The following CCR1 variants were observed in gnomAD, a reference collection of about 807,000 sequenced individuals.
CCR1 encodes C-C motif chemokine receptor 1.
In CCR1, 1 loss-of-function variant was observed where a neutral mutation model predicts 0.3. That is an observed-to-expected ratio of 3.70 (90% CI 1.31 to 17.54). The LOEUF is 17.54. Ranked by LOEUF, CCR1 falls within the 30% of genes most tolerant of loss-of-function variation. The pLI, the probability that CCR1 is intolerant of heterozygous loss-of-function variation, is 0.11. For missense variants in CCR1, 349 were observed against 435.4 expected (o/e 0.80, Z 1.77); for synonymous variants, 207 against 182.5 (o/e 1.13, Z -1.08).
rs760533582 is a variant in CCR1 at position 46,203,289 on chromosome 3, G to A, written c.1025C>T (p.Thr342Ile). The A allele has an allele frequency of 1.2e-6, 2 of 1,614,180 alleles. No homozygotes were observed. ...TTCATGCTCCCCTGTGGAGGGAGAT[G>A]TGGAGCTGACCCTCTCCAGCCTGTC... is the stretch of plus-strand genomic sequence containing the variant. ...SVDRLERVSS[T>I]SPSTGEHELS... Residue 342 changes from threonine to isoleucine, a missense_variant, in exon 2 of 2, where the codon ACA (threonine) becomes ATA (isoleucine). Thr to Ile is a moderately conservative substitution (Grantham distance 89, BLOSUM62 -1). Transcript: ENST00000296140. This position sits in a 1 kb window ranked among gnomAD's most constrained non-coding sequence, Gnocchi z 4.5.
intron 1 of CCR1, among the ~76,000 whole-genome samples, chr3:46,204,871 C>T (rs1380769003): frequency 2.6e-5 from 4 of 152,254 alleles, no homozygotes; most frequent in Non-Finnish European, 5.9e-5. Flanking sequence ...CACCACTACG[C>T]TTTCCTGCTG....
At chr3:46,205,226 G>T (rs1699636659) in intron 1 of CCR1, among the ~76,000 whole-genome samples, 1 of 152,168 alleles carries the variant, frequency 6.6e-6, no homozygotes, top group Non-Finnish European at 1.5e-5. Context: ...GCACCAGAGT[G>T]GGCTGAGCCT....
chr3:46,204,413 A>G (rs1699629593), intron 1 of CCR1, 89 bp from the exon 2 acceptor site: 2 of 809,452 alleles, frequency 2.5e-6, no homozygotes, highest in Non-Finnish European at 3.8e-6. Flanking sequence ...GAGAGGTAAC[A>G]TTTTTTCAGC....
At chr3:46,207,805 C>T (rs1575479847) in intron 1 of CCR1, among the ~76,000 whole-genome samples, 1 of 151,966 alleles carries the variant, frequency 6.6e-6, no homozygotes, top group Non-Finnish European at 1.5e-5. Flanking sequence ...CCACCATGCC[C>T]GGCTAATTTT....
rs761404208 is a variant in CCR1 at position 46,204,248 on chromosome 3, A to C, written c.66T>G (p.Thr22=). Reference sequence around the variant, plus strand: ...CCCTCTCGTTCACCTTCTGGCACGGAGTTGCATCCCCATAGTCAAACTCTG... The same window carrying C: ...CCCTCTCGTTCACCTTCTGGCACGGCGTTGCATCCCCATAGTCAAACTCTG... ...TTTEFDYGDA[T]PCQKVNERAF... The change falls in exon 2 of 2, where the codon ACT becomes ACG. Residue 22 remains threonine, a synonymous_variant. Coordinates refer to ENST00000296140, the MANE Select transcript of CCR1 (RefSeq NM_001295.3). The C allele has an allele frequency of 4.3e-6, 7 of 1,613,568 alleles. No homozygotes were observed. Among genetic ancestry groups the C allele is most frequent in the Non-Finnish European group, 5.9e-6 (7 of 1,179,864 alleles).
Position 46,203,845 on chromosome 3 carries a change from T to C in CCR1, c.469A>G (p.Ile157Val), listed in dbSNP as rs2125920551. The C allele has an allele frequency of 1.9e-6, 3 of 1,614,070 alleles. No individual in the cohort carries two copies. In the Admixed American group the frequency reaches 5.0e-5, roughly 27 times the overall value. Residue 157 changes from isoleucine to valine, a missense_variant, in exon 2 of 2, where the codon ATT (isoleucine) becomes GTT (valine). By Grantham distance (29) the Ile-to-Val change is conservative. Coordinates refer to ENST00000296140, the MANE Select transcript of CCR1 (RefSeq NM_001295.3). The surrounding 1 kb of genome is among the most constrained non-coding windows in gnomAD (Gnocchi z 4.5). ...GAAGCCAAGATGGCCAGGGCCCAAA[T>C]GATGATGCTGGTGATGACACCAAAA... is the stretch of plus-strand genomic sequence containing the variant. Reference protein sequence around the residue: ...VTFGVITSIIIWALAILASMP... With the variant: ...VTFGVITSIIVWALAILASMP...
Position 46,204,007 on chromosome 3 carries a change from C to A in CCR1, c.307G>T (p.Asp103Tyr). 1.2e-6 allele frequency: 2 copies of A among 1,614,168 alleles called. No homozygotes were observed. The highest frequency in any genetic ancestry group is 1.7e-6 in the Non-Finnish European group (2 of 1,180,030). ...CCAGAGAGGATCTTACACATGGCAT[C>A]ACCAAAAACCCAGTCATCCTTCAAC... The part of the protein sequence containing the change: ...YKLKDDWVFG[D>Y]AMCKILSGFY... Residue 103 changes from aspartate (D) to tyrosine (Y), a missense_variant, in exon 2 of 2, where the codon GAT (aspartate) becomes TAT (tyrosine). Transcript: ENST00000296140.
At chr3:46,205,820 G>A (rs917342256) in intron 1 of CCR1, among the ~76,000 whole-genome samples, 8 of 152,158 alleles carry the variant, frequency 5.3e-5, no homozygotes, top group African/African-American at 1.7e-4. Context: ...CCAGGCCAGG[G>A]CACTTTTCTT....
chr3:46,204,037 A>G lies in CCR1; in HGVS notation c.277T>C (p.Tyr93His), dbSNP rs1303561388. Residue 93 changes from tyrosine (Y) to histidine (H), a missense_variant, in exon 2 of 2, where the codon TAC (tyrosine) becomes CAC (histidine). Physicochemically the swap from Tyr to His is moderately conservative, Grantham distance 83. Coordinates refer to ENST00000296140, the MANE Select transcript of CCR1 (RefSeq NM_001295.3). Reference protein sequence around the residue: ...FLFTLPFWIDYKLKDDWVFGD... With the variant: ...FLFTLPFWIDHKLKDDWVFGD... The stretch of plus-strand genomic sequence containing the variant: ...AAAACCCAGTCATCCTTCAACTTGT[A>G]GTCGATCCAGAAGGGAAGCGTGAAC... The G allele has an allele frequency of 3.1e-6, 5 of 1,614,244 alleles. No homozygotes were observed. In the South Asian group the frequency reaches 5.5e-5, roughly 18 times the overall value.
chr3:46,204,119 T>C lies in CCR1; in HGVS notation c.195A>G (p.Leu65=). Residue 65 remains leucine, a synonymous_variant, in exon 2 of 2, where the codon CTA becomes CTG. Coordinates refer to ENST00000296140, the MANE Select transcript of CCR1 (RefSeq NM_001295.3). ...VVLVLVQYKR[L]KNMTSIYLLN... ...GGAGGTAGATGCTGGTCATGTTTTT[T>C]AGCCTCTTGTATTGCACAAGGACCA... 1 of 1,614,192 alleles carries C rather than the reference T, an allele frequency of 6.2e-7. No individual in the cohort carries two copies. The highest frequency in any genetic ancestry group is 8.5e-7 in the Non-Finnish European group (1 of 1,180,024).
At position 46,204,129 on chromosome 3, in the gene CCR1, T is replaced by C. The variant is rs760250033; in HGVS notation, c.185A>G (p.Tyr62Cys). Residue 62 changes from tyrosine (Y) to cysteine (C), a missense_variant, in exon 2 of 2, where the codon TAC becomes TGC. By Grantham distance (194) the Tyr-to-Cys change is radical (BLOSUM62 -2). Coordinates refer to ENST00000296140, the MANE Select transcript of CCR1 (RefSeq NM_001295.3). ...GCTGGTCATGTTTTTTAGCCTCTTG[T>C]ATTGCACAAGGACCAGGACCACCAG... ...NILVVLVLVQ[Y>C]KRLKNMTSIY... The C allele has an allele frequency of 6.2e-7, 1 of 1,614,106 alleles. No individual in the cohort carries two copies. The highest frequency in any genetic ancestry group is 1.1e-5 in the South Asian group (1 of 91,078).
At position 46,204,335 on chromosome 3, in the gene CCR1, A is replaced by G; in HGVS notation, c.-11-11T>C. On this transcript the variant is annotated splice_polypyrimidine_tract_variant and intron_variant, in intron 1 of 1. Coordinates refer to ENST00000296140, the MANE Select transcript of CCR1 (RefSeq NM_001295.3). ...CCATCCCGGCTTCTCCTACAGGTTA[A>G]AAAAAAAAAAAAGATTTGTCTTTAC... 1 of 753,330 alleles carries G rather than the reference A, an allele frequency of 1.3e-6. No homozygotes were observed. Among genetic ancestry groups the G allele is most frequent in the Non-Finnish European group, 1.7e-6 (1 of 587,746 alleles). The allele number at this position is 753,330 out of a possible 1,614,324, so 46.7% of individuals were successfully genotyped here.
Position 46,203,018 on chromosome 3 carries a change from G to A in CCR1, c.*228C>T, listed in dbSNP as rs1260226735. On this transcript the variant is annotated 3_prime_UTR_variant, in exon 2 of 2. Transcript: ENST00000296140. The surrounding 1 kb of genome is among the most constrained non-coding windows in gnomAD (Gnocchi z 4.5). ...TTAGTCCCAGTCTCTGGAATATTTG[G>A]TTTTGCTCATTCATCTTCTTTCTAC... 1.6e-5 allele frequency: 8 copies of A among 509,626 alleles called. No homozygotes were observed. The highest frequency in any genetic ancestry group is 1.2e-4 in the South Asian group (4 of 32,704). The allele number at this position is 509,626 out of a possible 1,614,324, so 31.6% of individuals were successfully genotyped here.
At position 46,201,914 on chromosome 3, in the gene CCR1, T is replaced by A. The variant is rs1699599006; in HGVS notation, c.*1332A>T. 1 of 152,246 alleles carries A rather than the reference T, an allele frequency of 6.6e-6. No homozygotes were observed. The highest frequency in any genetic ancestry group is 2.4e-5 in the African/African-American group (1 of 41,468). The allele number at this position is 152,246 out of a possible 1,614,324, so 9.4% of individuals were successfully genotyped here. A position where few individuals can be genotyped will look rare whatever the true frequency, so the allele number is the denominator to read the frequency against. ...TTGGGTAGTGGAAGTGTAGGTAATG[T>A]CAGTGTTTGGGGTTTTTCTTTGAAT... On this transcript the variant is annotated 3_prime_UTR_variant, in exon 2 of 2. Transcript: ENST00000296140.
chr3:46,206,290 G>A (rs1699647931), intron 1 of CCR1, among the ~76,000 whole-genome samples: 1 of 152,120 alleles, frequency 6.6e-6, no homozygotes, highest in Non-Finnish European at 1.5e-5. Flanking sequence ...ACTCTATTAG[G>A]GTGAGAAGTG....
intron 1 of CCR1, among the ~76,000 whole-genome samples, chr3:46,205,726 A>C (rs1487937361): frequency 2.0e-5 from 3 of 152,160 alleles, no homozygotes. Context: ...ACTGTGAGGT[A>C]ATGTATGAGA....
In CCR1 at chr3:46,203,931, G is replaced by A. The variant is rs140711017; in HGVS notation, c.383C>T (p.Thr128Met). ...YSEIFFIILL[T>M]IDRYLAIVHA... Reference sequence around the variant, plus strand: ...GACGATGGCCAGGTACCTGTCAATCGTCAGCAGGATGATGAAAAAGATCTC... The same window carrying A: ...GACGATGGCCAGGTACCTGTCAATCATCAGCAGGATGATGAAAAAGATCTC... The change falls in exon 2 of 2, where the codon ACG becomes ATG. Residue 128 changes from threonine (T) to methionine (M), a missense_variant. Transcript: ENST00000296140. The surrounding 1 kb of genome is among the most constrained non-coding windows in gnomAD (Gnocchi z 4.5). The A allele has an allele frequency of 1.1e-5, 17 of 1,614,036 alleles. 1 individual carries two copies. In the Middle Eastern group the frequency reaches 1.6e-3, roughly 156 times the overall value.
Position 46,204,166 on chromosome 3 carries a change from C to T in CCR1, c.148G>A (p.Val50Ile), listed in dbSNP as rs934395856. The change falls in exon 2 of 2, where the codon GTT (valine) becomes ATT (isoleucine). Residue 50 changes from valine to isoleucine, a missense_variant. Transcript: ENST00000296140. ...ACCAGGACCACCAGGATGTTTCCAACCAGGCCAATGACAAATACCAAGGAG... is the reference window on the plus strand; with the variant it reads ...ACCAGGACCACCAGGATGTTTCCAATCAGGCCAATGACAAATACCAAGGAG... ...LYSLVFVIGLVGNILVVLVLV... is the reference protein window; with the variant it reads ...LYSLVFVIGLIGNILVVLVLV... The T allele has an allele frequency of 1.9e-6, 3 of 1,614,090 alleles. No homozygotes were observed. Among genetic ancestry groups the T allele is most frequent in the Admixed American group, 1.7e-5 (1 of 60,016 alleles).
At chr3:46,207,490 A>G (rs1410719856) in intron 1 of CCR1, among the ~76,000 whole-genome samples, 1 of 152,110 alleles carries the variant, frequency 6.6e-6, no homozygotes, top group Non-Finnish European at 1.5e-5. Flanking sequence ...AGCAGTGCCA[A>G]TTTTGAGGAT....
Sources: gnomAD v4.1 joint callset for allele counts (sites outside exome capture counted in the v4.1 genomes callset) on GRCh38, gnomAD v4.1.1 for gene constraint, Gnocchi (gnomAD v3.1) non-coding constraint, MANE v1.5 for transcripts, NCBI Gene and HGNC (gene_info 2026-07-23, HGNC 2026-07-21) for gene names.